The following CCDC50 variants were observed in gnomAD, a reference collection of about 807,000 sequenced individuals.
CCDC50 encodes coiled-coil domain-containing protein 50.
In CCDC50, 54 loss-of-function variants were observed where a neutral mutation model predicts 70.2. The observed-to-expected ratio is 0.77, with a 90% CI of 0.62 to 0.96. The LOEUF (loss-of-function observed/expected upper bound fraction) is 0.96, where lower values mean the gene tolerates loss of function less well. CCDC50 is among the 50% of genes least tolerant of loss of function. CCDC50 has a pLI of 0.00. For missense variants in CCDC50, 558 were observed against 578.7 expected, an observed-to-expected ratio of 0.96 and a Z score of 0.37; for synonymous variants, 216 against 198.8, an observed-to-expected ratio of 1.09 and a Z score of -0.73.
At position 191,380,737 on chromosome 3, in the gene CCDC50, T is replaced by G; in HGVS notation, c.1137+6T>G. ...CTCAAGTAGCTCAAGATGAAGTAAGTTAATGAGTTTAGCTGATATTCTTTG... is the reference window on the plus strand; with the variant it reads ...CTCAAGTAGCTCAAGATGAAGTAAGGTAATGAGTTTAGCTGATATTCTTTG... On this transcript the variant is annotated splice_donor_region_variant and intron_variant, in intron 8 of 11. Transcript: ENST00000392455. 6.2e-7 allele frequency: 1 copy of G among 1,612,568 alleles called. No individual in the cohort carries two copies. Among genetic ancestry groups the G allele is most frequent in the Non-Finnish European group, 8.5e-7 (1 of 1,179,112 alleles).
intron 6 of CCDC50, among the ~76,000 whole-genome samples, chr3:191,379,696 G>C (rs968162574): frequency 6.6e-6 from 1 of 152,134 alleles, no homozygotes; most frequent in African/African-American, 2.4e-5. Flanking sequence ...TGCTGTTCCT[G>C]CTCCCTCGGA....
chr3:191,397,365 T>A lies in CCDC50; in HGVS notation c.*5605T>A, dbSNP rs1713894315. ...AATCCCTATGGTCTCTAATTTCAGC[T>A]CTTGCTGTAAACTGCAAGCCAAATG... On this transcript the variant is annotated 3_prime_UTR_variant, in exon 12 of 12. Transcript: ENST00000392455. The A allele has an allele frequency of 6.6e-6, 1 of 152,198 alleles. No homozygotes were observed. Among genetic ancestry groups the A allele is most frequent in the Admixed American group, 6.5e-5 (1 of 15,282 alleles). The allele number at this position is 152,198 out of a possible 1,614,324, so 9.4% of individuals were successfully genotyped here.
At position 191,394,701 on chromosome 3, in the gene CCDC50, C is replaced by A. The variant is rs966701358; in HGVS notation, c.*2941C>A. ...TCATAAGGCTGCTTGACATAGACAC[C>A]CACTCTCCTCCACATTTTATAAATC... On this transcript the variant is annotated 3_prime_UTR_variant, in exon 12 of 12. Coordinates refer to ENST00000392455, the MANE Select transcript of CCDC50 (RefSeq NM_178335.3). 2.0e-5 allele frequency: 3 copies of A among 152,076 alleles called. No individual in the cohort carries two copies. The highest frequency in any genetic ancestry group is 7.2e-5 in the African/African-American group (3 of 41,398). 9.4% of individuals were successfully genotyped at this position (152,076 alleles called of 1,614,324 possible).
intron 1 of CCDC50, among the ~76,000 whole-genome samples, chr3:191,339,032 C>G (rs1000143281): frequency 3.9e-5 from 6 of 152,078 alleles, no homozygotes; most frequent in Admixed American, 1.3e-4. Context: ...GGGGGGAAGG[C>G]TCTTACACAG....
Position 191,393,025 on chromosome 3 carries a change from A to C in CCDC50, c.*1265A>C, listed in dbSNP as rs1372338124. ...GGTGCTGGGATTACAGGCTTAAGCC[A>C]CCATGTCCAGCCAGCCAAGTATTTG... On this transcript the variant is annotated 3_prime_UTR_variant, in exon 12 of 12. Coordinates refer to ENST00000392455, the MANE Select transcript of CCDC50 (RefSeq NM_178335.3). The C allele has an allele frequency of 6.6e-6, 1 of 152,384 alleles. No individual in the cohort carries two copies. Among genetic ancestry groups the C allele is most frequent in the African/African-American group, 2.4e-5 (1 of 41,464 alleles). The allele number at this position is 152,384 out of a possible 1,614,324, so 9.4% of individuals were successfully genotyped here. A position where few individuals can be genotyped will look rare whatever the true frequency, so the allele number is the denominator to read the frequency against.
At chr3:191,356,035 C>T (rs569868925) in intron 1 of CCDC50, among the ~76,000 whole-genome samples, 61 of 152,276 alleles carry the variant, frequency 4.0e-4, no homozygotes, top group African/African-American at 1.4e-3. Flanking sequence ...TCCAAAGCTT[C>T]GGAAAGAAAT....
At chr3:191,369,884 T>C in intron 4 of CCDC50, 35 bp from the exon 5 acceptor site, 1 of 1,452,988 alleles carries the variant, frequency 6.9e-7, no homozygotes. Flanking sequence ...TGTTCTTTGG[T>C]AATGTGTATT....
At position 191,396,605 on chromosome 3, in the gene CCDC50, G is replaced by A. The variant is rs1368567466; in HGVS notation, c.*4845G>A. The A allele has an allele frequency of 3.3e-5, 5 of 152,040 alleles. No homozygotes were observed. Among genetic ancestry groups the A allele is most frequent in the Admixed American group, 3.3e-4 (5 of 15,258 alleles). 9.4% of individuals were successfully genotyped at this position (152,040 alleles called of 1,614,324 possible). On this transcript the variant is annotated 3_prime_UTR_variant, in exon 12 of 12. Coordinates refer to ENST00000392455, the MANE Select transcript of CCDC50 (RefSeq NM_178335.3). ...GTGAAGACATTCAGATTATTTGTAA[G>A]AATTTCACCAACACCCTTGTGTATT...
chr3:191,336,547 A>C (rs1016965389), intron 1 of CCDC50, among the ~76,000 whole-genome samples: 58 of 152,222 alleles, frequency 3.8e-4, no homozygotes, highest in African/African-American at 1.4e-3. Flanking sequence ...GGAGTTCTTT[A>C]CATATTCTGG....
chr3:191,358,249 C>T (rs1712361925), intron 3 of CCDC50, 125 bp downstream of exon 3: 5 of 1,256,448 alleles, frequency 4.0e-6, no homozygotes, highest in South Asian at 1.4e-5. Context: ...GATTACAAAT[C>T]TTACCCTGGA....
intron 4 of CCDC50, among the ~76,000 whole-genome samples, chr3:191,368,703 T>G (rs1712789463): frequency 6.6e-6 from 1 of 152,156 alleles, no homozygotes; most frequent in African/African-American, 2.4e-5. Flanking sequence ...ATTTCTTGTA[T>G]TCCTTATGAA....
At chr3:191,361,556 C>G (rs914385830) in intron 4 of CCDC50, among the ~76,000 whole-genome samples, 15 of 152,174 alleles carry the variant, frequency 9.9e-5, no homozygotes, top group African/African-American at 3.6e-4. Context: ...TCCTGGCAAT[C>G]TTTGGCATTC....
At chr3:191,363,277 T>C (rs1712560157) in intron 4 of CCDC50, among the ~76,000 whole-genome samples, 1 of 152,228 alleles carries the variant, frequency 6.6e-6, no homozygotes, top group South Asian at 2.1e-4. Context: ...TTCCAAGTTA[T>C]AAAATGCTAG....
intron 1 of CCDC50, chr3:191,330,326 C>CACACACACACACACAG (rs550009593): frequency 6.8e-6 from 1 of 147,660 alleles, no homozygotes; most frequent in Non-Finnish European, 1.5e-5. Context: ...CACACACACA[C>CACACACACACACACAG]ACAATAGTGA....
chr3:191,384,646 A>C (rs1222238036), intron 10 of CCDC50, among the ~76,000 whole-genome samples: 1 of 152,090 alleles, frequency 6.6e-6, no homozygotes, highest in African/African-American at 2.4e-5. Flanking sequence ...ATGTGTGTTT[A>C]ACTTTTGTTG....
At chr3:191,374,165 T>G (rs997723186) in intron 5 of CCDC50, among the ~76,000 whole-genome samples, 3 of 152,176 alleles carry the variant, frequency 2.0e-5, no homozygotes, top group African/African-American at 7.2e-5. Flanking sequence ...TTTGCTGCCT[T>G]TGTCTTCACA....
chr3:191,348,904 C>T (rs1712012789), intron 1 of CCDC50, among the ~76,000 whole-genome samples: 1 of 142,276 alleles, frequency 7.0e-6, no homozygotes, highest in South Asian at 2.2e-4. Context: ...TCACGTATTA[C>T]TTAAGTGTTC....
chr3:191,395,985 A>G lies in CCDC50; in HGVS notation c.*4225A>G, dbSNP rs893009532. On this transcript the variant is annotated 3_prime_UTR_variant, in exon 12 of 12. Coordinates refer to ENST00000392455, the MANE Select transcript of CCDC50 (RefSeq NM_178335.3). The stretch of plus-strand genomic sequence containing the variant: ...TCCTGTTAATGCTGCATGGGGCACA[A>G]TGTCTTTCAAATTATTGGTGGAAGA... 3 of 152,154 alleles carry G rather than the reference A, an allele frequency of 2.0e-5. No individual in the cohort carries two copies. Among genetic ancestry groups the G allele is most frequent in the Non-Finnish European group, 2.9e-5 (2 of 68,008 alleles). The allele number at this position is 152,154 out of a possible 1,614,324, so 9.4% of individuals were successfully genotyped here. A position where few individuals can be genotyped will look rare whatever the true frequency, so the allele number is the denominator to read the frequency against.
rs1376188830 is a variant in CCDC50, at chr3:191,396,395, A to G, written c.*4635A>G. 6.6e-6 allele frequency: 1 copy of G among 152,202 alleles called. No individual in the cohort carries two copies. The highest frequency in any genetic ancestry group is 2.4e-5 in the African/African-American group (1 of 41,454). 9.4% of individuals were successfully genotyped at this position (152,202 alleles called of 1,614,324 possible). A position where few individuals can be genotyped will look rare whatever the true frequency, so the allele number is the denominator to read the frequency against. ...GTGGCTGATCTGTAACACAATAAAT[A>G]CATAATTTTATTTCATGTTGTCTGT... On this transcript the variant is annotated 3_prime_UTR_variant, in exon 12 of 12. Coordinates refer to ENST00000392455, the MANE Select transcript of CCDC50 (RefSeq NM_178335.3).
Sources: gnomAD v4.1 joint callset for allele counts (sites outside exome capture counted in the v4.1 genomes callset) on GRCh38, gnomAD v4.1.1 for gene constraint, MANE v1.5 for transcripts, NCBI Gene and HGNC (gene_info 2026-07-23, HGNC 2026-07-21) for gene names.